Variants in MROH9 observed in about 807,000 individuals in gnomAD.
MROH9 encodes the protein maestro heat-like repeat-containing protein family member 9.
In MROH9, 92 loss-of-function variants were observed where a neutral mutation model predicts 98.2. The observed-to-expected ratio is 0.94, with a 90% CI of 0.79 to 1.11. The LOEUF (loss-of-function observed/expected upper bound fraction) is 1.11, where lower values mean the gene tolerates loss of function less well. Ranked by LOEUF, MROH9 falls within the 50% of genes most tolerant of loss-of-function variation. The probability of loss-of-function intolerance (pLI) is 0.00; values close to 1 mark genes in which losing one functional copy is unlikely to be tolerated. For synonymous variants in MROH9, 397 were observed against 368.9 expected, an observed-to-expected ratio of 1.08 and a Z score of -0.87; for missense variants, 1,057 against 1,014.8, an observed-to-expected ratio of 1.04 and a Z score of -0.57.
At chr1:171,010,375 T>C (rs1321771066) in intron 15 of MROH9, among the ~76,000 whole-genome samples, 3 of 152,196 alleles carry the variant, frequency 2.0e-5, no homozygotes, top group Non-Finnish European at 4.4e-5. Flanking sequence ...TTTGCTATTG[T>C]GAATAGTGCT....
intron 1 of MROH9, among the ~76,000 whole-genome samples, chr1:170,939,150 T>C (rs1649016137): frequency 6.6e-6 from 1 of 152,364 alleles, no homozygotes; most frequent in Non-Finnish European, 1.5e-5. Context: ...AATTCTGAGA[T>C]GTCTATCCAC....
intron 8 of MROH9, among the ~76,000 whole-genome samples, chr1:170,981,701 G>A (rs1283913122): frequency 2.0e-5 from 3 of 149,446 alleles, no homozygotes; most frequent in Middle Eastern, 3.2e-3. Context: ...AAACCTGCAC[G>A]TTCTGCACAT....
At chr1:170,952,704 C>G (rs959175625) in intron 3 of MROH9, among the ~76,000 whole-genome samples, 2 of 151,570 alleles carry the variant, frequency 1.3e-5, no homozygotes, top group Non-Finnish European at 2.9e-5. Context: ...ACATATGTAA[C>G]AAACCTGCAC....
intron 1 of MROH9, among the ~76,000 whole-genome samples, chr1:170,941,917 C>A (rs546272811): frequency 3.9e-5 from 6 of 152,168 alleles, no homozygotes; most frequent in African/African-American, 1.2e-4. Flanking sequence ...ACAGGTCTGG[C>A]ATTCCTAACT....
At chr1:170,945,478 A>C (rs1649293753) in intron 1 of MROH9, 42 bp from the exon 2 acceptor site, 1 of 1,450,804 alleles carries the variant, frequency 6.9e-7, no homozygotes, top group African/African-American at 1.4e-5. Flanking sequence ...AAACTGTAGG[A>C]AAGTTTCTGG....
chr1:171,058,049 T>G (rs1653900997), intron 20 of MROH9, among the ~76,000 whole-genome samples: 4 of 152,122 alleles, frequency 2.6e-5, no homozygotes, highest in Non-Finnish European at 5.9e-5. Context: ...GAAGTCAAAG[T>G]GTCTCTGTTT....
intron 8 of MROH9, among the ~76,000 whole-genome samples, chr1:170,979,947 G>T (rs1341706433): frequency 6.6e-6 from 1 of 151,904 alleles, no homozygotes; most frequent in African/African-American, 2.4e-5. Flanking sequence ...CCAACAATAG[G>T]CAAGCAAAGA....
intron 3 of MROH9, among the ~76,000 whole-genome samples, chr1:170,951,892 C>T (rs1649567104): frequency 6.6e-6 from 1 of 152,066 alleles, no homozygotes; most frequent in South Asian, 2.1e-4. Flanking sequence ...GGCTCTTTTG[C>T]TAATGGGTTA....
intron 20 of MROH9, among the ~76,000 whole-genome samples, chr1:171,037,705 T>C (rs774831975): frequency 7.9e-5 from 12 of 151,972 alleles, no homozygotes; most frequent in Non-Finnish European, 1.8e-4. Flanking sequence ...TACATCAATA[T>C]AGCTTTAGTA....
chr1:170,959,361 C>T (rs768470802), intron 4 of MROH9, 101 bp from the exon 5 acceptor site: 39 of 1,074,670 alleles, frequency 3.6e-5, no homozygotes, highest in Admixed American at 1.2e-4. Flanking sequence ...GGTGACAGAG[C>T]GAGACTCTGT....
At chr1:170,946,558 T>G (rs942412185) in intron 2 of MROH9, among the ~76,000 whole-genome samples, 1 of 151,988 alleles carries the variant, frequency 6.6e-6, no homozygotes, top group Non-Finnish European at 1.5e-5. Context: ...TTTTGAAAAA[T>G]GTGCCATGGT....
intron 6 of MROH9, among the ~76,000 whole-genome samples, chr1:170,962,785 T>TTGA (rs1264678346): frequency 5.9e-5 from 9 of 152,042 alleles, no homozygotes; most frequent in Non-Finnish European, 1.2e-4. Context: ...ATGCAGAAGA[T>TTGA]TGATATTGGA....
intron 5 of MROH9, among the ~76,000 whole-genome samples, chr1:170,960,805 G>C (rs1255787099): frequency 6.6e-6 from 1 of 151,940 alleles, no homozygotes; most frequent in Non-Finnish European, 1.5e-5. Context: ...GTTTTGTTTT[G>C]TTTTATAGAG....
At chr1:171,000,666 T>A (rs147359965) in intron 15 of MROH9, among the ~76,000 whole-genome samples, 2 of 152,308 alleles carry the variant, frequency 1.3e-5, no homozygotes, top group Non-Finnish European at 2.9e-5. Flanking sequence ...GATTTTAGCA[T>A]CTATGCTCAT....
intron 20 of MROH9, among the ~76,000 whole-genome samples, chr1:171,051,770 T>A (rs1474648750): frequency 2.6e-5 from 4 of 152,176 alleles, no homozygotes; most frequent in South Asian, 2.1e-4. Context: ...AATTTAATTT[T>A]AAAAAAATTT....
chr1:171,037,527 T>A (rs910230446), intron 20 of MROH9, among the ~76,000 whole-genome samples: 8 of 151,590 alleles, frequency 5.3e-5, no homozygotes, highest in African/African-American at 1.9e-4. Context: ...AAAGTGTCAA[T>A]TTTTTTTTCT....
rs572883377 is a variant in MROH9, at chr1:170,997,657, TG to T, written c.1476-496del. Among the ~76,000 whole-genome samples the T allele has an allele frequency of 7.7e-4, 117 of 152,276 alleles. No individual in the cohort carries two copies. In the South Asian group the frequency reaches 0.024, roughly 31 times the overall value. On this transcript the variant is annotated intron_variant, in intron 14 of 21. Coordinates refer to ENST00000367759, the MANE Select transcript of MROH9 (RefSeq NM_001163629.2). ...CCAGGCCACCATGTCAGTACAAGTGTGAGGCTGTCCACCACCCAAGTGTGTT... is the reference window on the plus strand; with the variant it reads ...CCAGGCCACCATGTCAGTACAAGTGTAGGCTGTCCACCACCCAAGTGTGTT...
Position 171,057,207 on chromosome 1 carries a change from T to TA in MROH9, c.2282-4920dup, listed in dbSNP as rs550932239. 2.2e-4 allele frequency among the ~76,000 whole-genome samples: 34 copies of TA among 152,266 alleles called. No homozygotes were observed. The East Asian group carries it at 6.4e-3, about 29-fold the overall frequency. ...ATGTTCTAACCCAATGCAAAGAAGC[T>TA]AAAAACCTTGATAAAAGGTTAGAGG... On this transcript the variant is annotated intron_variant, in intron 20 of 21. Coordinates refer to ENST00000367759, the MANE Select transcript of MROH9 (RefSeq NM_001163629.2).
intron 15 of MROH9, among the ~76,000 whole-genome samples, chr1:171,005,419 A>G (rs1039670043): frequency 6.6e-6 from 1 of 152,150 alleles, no homozygotes; most frequent in Non-Finnish European, 1.5e-5. Context: ...TGAACACTGG[A>G]TATCTTTCCA....
Sources: gnomAD v4.1 joint callset for allele counts (sites outside exome capture counted in the v4.1 genomes callset) on GRCh38, gnomAD v4.1.1 for gene constraint, MANE v1.5 for transcripts, NCBI Gene and HGNC (gene_info 2026-07-23, HGNC 2026-07-21) for gene names.